Variants in ADGRE5 observed in about 807,000 individuals in gnomAD.
ADGRE5 encodes the protein CD97 molecule.
A neutral mutation model predicts 100.3 loss-of-function variants in ADGRE5; 72 were observed. The ratio of observed to expected loss-of-function variants is 0.72; its 90% CI spans 0.59 to 0.87. The LOEUF (loss-of-function observed/expected upper bound fraction) is 0.87. Among genes scored for constraint, ADGRE5 ranks in the 40% least tolerant of loss-of-function variants. ADGRE5 has a pLI of 0.00. For synonymous variants in ADGRE5, 439 were observed against 447.8 expected, an observed-to-expected ratio of 0.98 and a Z score of 0.25; for missense variants, 959 against 1,094.7, an observed-to-expected ratio of 0.88 and a Z score of 1.75.
chr19:14,405,590 C>CT, intron 13 of ADGRE5, 158 bp from the exon 14 acceptor site: 1 of 618,420 alleles, frequency 1.6e-6, no homozygotes, highest in Non-Finnish European at 2.8e-6. Context: ...AATCCCTAGA[C>CT]TCCCCTTCCA....
rs760757672 is a variant in ADGRE5, at chr19:14,402,604, C to A, written c.1191C>A (p.Ala397=). ...AGTGTGTCTGTTCCCCAGGCCCCGCCGTGGCGGGCATCCTCTCCATCCAGA... is the reference window on the plus strand; with the variant it reads ...AGTGTGTCTGTTCCCCAGGCCCCGCAGTGGCGGGCATCCTCTCCATCCAGA... The part of the protein sequence containing the change: ...VAAGAEDPGP[A]VAGILSIQNM... The change falls in exon 12 of 20, where the codon GCC becomes GCA. Residue 397 remains alanine (A), a synonymous_variant. Transcript: ENST00000242786. 1.2e-6 allele frequency: 2 copies of A among 1,614,028 alleles called. No individual in the cohort carries two copies. Among genetic ancestry groups the A allele is most frequent in the Non-Finnish European group, 1.7e-6 (2 of 1,179,966 alleles).
intron 9 of ADGRE5, chr19:14,398,377 C>G: frequency 1.9e-6 from 1 of 514,312 alleles, no homozygotes; most frequent in Non-Finnish European, 3.5e-6. Flanking sequence ...CACTTAAGAA[C>G]CTGGAGTTGA....
chr19:14,387,533 A>C (rs539653082), intron 1 of ADGRE5, among the ~76,000 whole-genome samples: 9 of 151,696 alleles, frequency 5.9e-5, no homozygotes, highest in African/African-American at 9.7e-5. Flanking sequence ...TCGAGACCAT[A>C]CTGGCTAACA....
intron 4 of ADGRE5, among the ~76,000 whole-genome samples, chr19:14,395,092 G>A (rs1254180912): frequency 2.6e-5 from 4 of 152,078 alleles, no homozygotes; most frequent in Non-Finnish European, 5.9e-5. Context: ...CTTGAGGTCG[G>A]GAATTCGAGA....
At position 14,385,926 on chromosome 19, in the gene ADGRE5, C is replaced by T. The variant is rs539719626; in HGVS notation, c.23-2524C>T. On this transcript the variant is annotated intron_variant, in intron 1 of 19. Coordinates refer to ENST00000242786, the MANE Select transcript of ADGRE5 (RefSeq NM_078481.4). The stretch of plus-strand genomic sequence containing the variant: ...CTGGGATAACAGGCACCCACCACCA[C>T]GCCCAGCTAATTTTTTGTATTTTCA... Among the ~76,000 whole-genome samples, 491 of 151,962 alleles carry T rather than the reference C, an allele frequency of 3.2e-3. 3 individuals are homozygous for T. The highest frequency in any genetic ancestry group is 0.011 in the African/African-American group (446 of 41,492).
At chr19:14,400,765 C>T (rs1377458703) in intron 9 of ADGRE5, among the ~76,000 whole-genome samples, 4 of 152,120 alleles carry the variant, frequency 2.6e-5, no homozygotes, top group Non-Finnish European at 5.9e-5. Context: ...GCACTCCAGC[C>T]TGGGAGACAG....
At chr19:14,391,251 T>A in intron 4 of ADGRE5, 172 bp downstream of exon 4, 2 of 822,244 alleles carry the variant, frequency 2.4e-6, no homozygotes, top group Non-Finnish European at 3.8e-6. Context: ...CAGAGTGATG[T>A]GAGGATTAAG....
chr19:14,401,455 C>A lies in ADGRE5; in HGVS notation c.967C>A (p.Arg323=). Residue 323 remains arginine (R), a synonymous_variant, in exon 10 of 20, where the codon CGG becomes AGG. Transcript: ENST00000242786. This position sits in a 1 kb window ranked among gnomAD's most constrained non-coding sequence, Gnocchi z 4.1. ...GDVEALAPPV[R]HLIATQLLSN... ...CGTAGAGGCCCTGGCGCCACCTGTC[C>A]GGCACCTCATAGCCACCCAGCTGCT... is the stretch of plus-strand genomic sequence containing the variant. 6.2e-7 allele frequency: 1 copy of A among 1,614,086 alleles called. No homozygotes were observed. The highest frequency in any genetic ancestry group is 1.3e-5 in the African/African-American group (1 of 75,034).
rs1164513895 is a variant in ADGRE5 at position 14,406,458 on chromosome 19, T to A, written c.1949T>A (p.Leu650Gln). ...GTGCGCGTGTTCCAAGGCCAGGGCC[T>A]GAGTACGCGCTGGCTCTGCCTGATC... The part of the protein sequence containing the change: ...LVVRVFQGQG[L>Q]STRWLCLIGY... Residue 650 changes from leucine (L) to glutamine (Q), a missense_variant, in exon 15 of 20, where the codon CTG becomes CAG. Around this residue, in one of 6 missense-constraint regions of ADGRE5, gnomAD observed 428 missense variants for 386.2 expected, o/e 1.11. Transcript: ENST00000242786. This position sits in a 1 kb window ranked among gnomAD's most constrained non-coding sequence, Gnocchi z 6.0. 2.5e-6 allele frequency: 4 copies of A among 1,573,146 alleles called. No homozygotes were observed. The highest frequency in any genetic ancestry group is 3.4e-6 in the Non-Finnish European group (4 of 1,159,434).
Position 14,406,142 on chromosome 19 carries a change from C to T in ADGRE5, c.1822-189C>T, listed in dbSNP as rs1029438453. Among the ~76,000 whole-genome samples, 3 of 152,178 alleles carry T rather than the reference C, an allele frequency of 2.0e-5. No individual in the cohort carries two copies. The highest frequency in any genetic ancestry group is 2.9e-5 in the Non-Finnish European group (2 of 68,026). ...GGCTTTGGAGCTGCCTGGCCACACC[C>T]CGAGTGCCCGCTCGCTTCTGAGCGT... is the stretch of plus-strand genomic sequence containing the variant. On this transcript the variant is annotated intron_variant, in intron 14 of 19. Coordinates refer to ENST00000242786, the MANE Select transcript of ADGRE5 (RefSeq NM_078481.4). The surrounding 1 kb of genome is among the most constrained non-coding windows in gnomAD (Gnocchi z 6.0).
Position 14,381,557 on chromosome 19 carries a change from G to C in ADGRE5, c.22+12G>C. ...CCGCGTCTTTCTCGGTAAGTACTTTGGGGCCCCGCTGGGAGGGGCGAGGAA... is the reference window on the plus strand; with the variant it reads ...CCGCGTCTTTCTCGGTAAGTACTTTCGGGCCCCGCTGGGAGGGGCGAGGAA... On this transcript the variant is annotated intron_variant, in intron 1 of 19. Coordinates refer to ENST00000242786, the MANE Select transcript of ADGRE5 (RefSeq NM_078481.4). 1 of 1,601,472 alleles carries C rather than the reference G, an allele frequency of 6.2e-7. No homozygotes were observed. The highest frequency in any genetic ancestry group is 1.4e-5 in the African/African-American group (1 of 73,616).
chr19:14,401,490 T>G lies in ADGRE5; in HGVS notation c.1002T>G (p.Leu334=), dbSNP rs770383003. The stretch of plus-strand genomic sequence containing the variant: ...TAGCCACCCAGCTGCTCTCAAACCT[T>G]GAAGATATCATGAGGATCCTGGCCA... The part of the protein sequence containing the change: ...HLIATQLLSN[L]EDIMRILAKS... Residue 334 remains leucine, a synonymous_variant, in exon 10 of 20, where the codon CTT becomes CTG. Coordinates refer to ENST00000242786, the MANE Select transcript of ADGRE5 (RefSeq NM_078481.4). The surrounding 1 kb of genome is among the most constrained non-coding windows in gnomAD (Gnocchi z 4.1). 10 of 1,614,116 alleles carry G rather than the reference T, an allele frequency of 6.2e-6. 1 individual carries two copies. Among genetic ancestry groups the G allele is most frequent in the Non-Finnish European group, 8.5e-6 (10 of 1,180,012 alleles).
Position 14,406,186 on chromosome 19 carries a change from G to C in ADGRE5, c.1822-145G>C, listed in dbSNP as rs1247170194. The stretch of plus-strand genomic sequence containing the variant: ...TGAGCGTTGTTGGGGGTGGGCCCTG[G>C]GGGGAAACCTGGCCCCCGCTCCAGA... On this transcript the variant is annotated intron_variant, in intron 14 of 19. Coordinates refer to ENST00000242786, the MANE Select transcript of ADGRE5 (RefSeq NM_078481.4). The surrounding 1 kb of genome is among the most constrained non-coding windows in gnomAD (Gnocchi z 6.0). 2.7e-6 allele frequency: 2 copies of C among 742,106 alleles called. No individual in the cohort carries two copies. The allele number at this position is 742,106 out of a possible 1,614,324, so 46.0% of individuals were successfully genotyped here.
chr19:14,398,535 T>C (rs966783875), intron 9 of ADGRE5, among the ~76,000 whole-genome samples: 9 of 150,522 alleles, frequency 6.0e-5, no homozygotes, highest in Admixed American at 2.0e-4. Flanking sequence ...ATTAGCTGGG[T>C]GTGGTGGCGG....
intron 4 of ADGRE5, among the ~76,000 whole-genome samples, chr19:14,395,600 G>A (rs1346844480): frequency 2.6e-5 from 4 of 152,208 alleles, no homozygotes; most frequent in East Asian, 3.9e-4. Context: ...CCCGCTCACG[G>A]CCAGTTCTGC....
At chr19:14,396,195 C>T (rs962678866) in intron 4 of ADGRE5, 147 bp from the exon 5 acceptor site, 2 of 1,457,308 alleles carry the variant, frequency 1.4e-6, no homozygotes, top group Admixed American at 2.1e-5. Context: ...CCACCACCCT[C>T]ACCATAGGAT....
intron 1 of ADGRE5, among the ~76,000 whole-genome samples, chr19:14,387,732 A>C (rs966483517): frequency 1.3e-5 from 2 of 151,834 alleles, no homozygotes; most frequent in Non-Finnish European, 2.9e-5. Flanking sequence ...CGTTTCAAAA[A>C]AAAAAATTAT....
chr19:14,396,102 C>T, intron 4 of ADGRE5: 1 of 613,302 alleles, frequency 1.6e-6, no homozygotes, highest in Non-Finnish European at 2.7e-6. Context: ...TGGGACACCC[C>T]AGCTTGGAGC....
In ADGRE5 at chr19:14,402,722, G is replaced by A; in HGVS notation, c.1309G>A (p.Val437Ile). The change falls in exon 12 of 20, where the codon GTC becomes ATC. Residue 437 changes from valine (V) to isoleucine (I), a missense_variant. Val to Ile is a conservative substitution (Grantham distance 29). Around this residue, in one of 6 missense-constraint regions of ADGRE5, gnomAD observed 246 missense variants for 242.2 expected, o/e 1.02. Coordinates refer to ENST00000242786, the MANE Select transcript of ADGRE5 (RefSeq NM_078481.4). ...EEIYESSIRG[V>I]QLRRLSAVNS... ...GATATATGAAAGCAGCATCCGTGGT[G>A]TCCAACTCAGACGCCTCTCTGCCGT... 10 of 1,614,158 alleles carry A rather than the reference G, an allele frequency of 6.2e-6. No homozygotes were observed. Among genetic ancestry groups the A allele is most frequent in the Non-Finnish European group, 8.5e-6 (10 of 1,180,032 alleles).
Sources: allele counts gnomAD v4.1 joint callset (sites outside exome capture counted in the v4.1 genomes callset), GRCh38; gene constraint gnomAD v4.1.1; regional missense constraint gnomAD v4.1.1; non-coding constraint Gnocchi (gnomAD v3.1); transcripts MANE v1.5; gene names NCBI Gene and HGNC (gene_info 2026-07-23, HGNC 2026-07-21).